LPP: variants seen among roughly 807,000 people sequenced by gnomAD.
The protein encoded by LPP is LIM domain containing preferred translocation partner in lipoma.
A neutral mutation model predicts 60.4 loss-of-function variants in LPP; 38 were observed. The ratio of observed to expected loss-of-function variants is 0.63; its 90% CI spans 0.49 to 0.83. LPP has a LOEUF of 0.83. LPP is among the 40% of genes least tolerant of loss of function. The probability of loss-of-function intolerance (pLI) is 0.00; values close to 1 mark genes in which losing one functional copy is unlikely to be tolerated. For synonymous variants in LPP, 328 were observed against 290.8 expected, an observed-to-expected ratio of 1.13 and a Z score of -1.30; for missense variants, 902 against 783.6, an observed-to-expected ratio of 1.15 and a Z score of -1.80.
At position 188,181,860 on chromosome 3, in the gene LPP, C is replaced by A. The variant is rs1725109827; in HGVS notation, c.-190+27608C>A. On this transcript the variant is annotated intron_variant, in intron 1 of 11. Coordinates refer to ENST00000617246, the MANE Select transcript of LPP (RefSeq NM_001375462.1). ...GCCTCAGCCTCCCAAGTAGTTGGGACTACAGGTGCACGCCACTGCACCTGG... is the reference window on the plus strand; with the variant it reads ...GCCTCAGCCTCCCAAGTAGTTGGGAATACAGGTGCACGCCACTGCACCTGG... Among the ~76,000 whole-genome samples the A allele has an allele frequency of 2.0e-5, 3 of 152,268 alleles. No individual in the cohort carries two copies. The South Asian group carries it at 6.2e-4, about 32-fold the overall frequency.
At chr3:188,171,241 C>G (rs1285103190) in intron 1 of LPP, among the ~76,000 whole-genome samples, 1 of 152,208 alleles carries the variant, frequency 6.6e-6, no homozygotes, top group Non-Finnish European at 1.5e-5. Flanking sequence ...TACTTTTGAG[C>G]CTGGCAGTAT....
At chr3:188,269,997 G>T (rs984796245) in intron 2 of LPP, among the ~76,000 whole-genome samples, 1 of 119,694 alleles carries the variant, frequency 8.4e-6, no homozygotes, top group Admixed American at 8.1e-5. Flanking sequence ...TTTTCTTATC[G>T]TTTCTTTTCT....
chr3:188,254,733 T>G (rs1304413830), intron 2 of LPP, among the ~76,000 whole-genome samples: 1 of 152,214 alleles, frequency 6.6e-6, no homozygotes, highest in South Asian at 2.1e-4. Flanking sequence ...ATTCCTTCAA[T>G]GCCTCTCCTC....
intron 2 of LPP, among the ~76,000 whole-genome samples, chr3:188,247,800 G>GA (rs796405602): frequency 4.7e-3 from 367 of 78,606 alleles, no homozygotes; most frequent in Middle Eastern, 0.028. Context: ...CTCCATCTCA[G>GA]AAAAAAAAAA....
intron 2 of LPP, among the ~76,000 whole-genome samples, chr3:188,282,291 T>C (rs1742381683): frequency 6.6e-6 from 1 of 152,218 alleles, no homozygotes. Flanking sequence ...ATTGTCAGGT[T>C]CCTGCTGATA....
chr3:188,216,315 A>C (rs1256046559), intron 1 of LPP, among the ~76,000 whole-genome samples: 1 of 135,352 alleles, frequency 7.4e-6, no homozygotes, highest in African/African-American at 2.8e-5. Flanking sequence ...TCTCTTGCCT[A>C]GACTGGAGTG....
chr3:188,236,939 C>T (rs1722135265), intron 2 of LPP, among the ~76,000 whole-genome samples: 1 of 152,168 alleles, frequency 6.6e-6, no homozygotes, highest in Non-Finnish European at 1.5e-5. Flanking sequence ...TGATATCAAG[C>T]TGTATCACTT....
chr3:188,171,160 A>G (rs968162262), intron 1 of LPP, among the ~76,000 whole-genome samples: 2 of 152,198 alleles, frequency 1.3e-5, no homozygotes, highest in African/African-American at 4.8e-5. Flanking sequence ...TTTTAACTAG[A>G]AAATGTTGAA....
chr3:188,754,041 C>G (rs192870447), intron 8 of LPP, among the ~76,000 whole-genome samples: 1 of 152,276 alleles, frequency 6.6e-6, no homozygotes, highest in East Asian at 1.9e-4. Context: ...GACAGAGTCC[C>G]AAGAAAATAG....
At chr3:188,164,272 C>CT (rs1719269549) in intron 1 of LPP, among the ~76,000 whole-genome samples, 1 of 152,124 alleles carries the variant, frequency 6.6e-6, no homozygotes, top group Admixed American at 6.5e-5. Flanking sequence ...GTTCTCTGTT[C>CT]ATGTGTGTAC....
At chr3:188,538,298 A>C (rs1298188566) in intron 6 of LPP, among the ~76,000 whole-genome samples, 1 of 152,212 alleles carries the variant, frequency 6.6e-6, no homozygotes, top group Non-Finnish European at 1.5e-5. Flanking sequence ...CAAATCATGT[A>C]TCTGTTAAGG....
rs75605270 is a variant in LPP at position 188,182,165 on chromosome 3, A to G, written c.-190+27913A>G. 0.012 allele frequency among the ~76,000 whole-genome samples: 1,764 copies of G among 152,284 alleles called. 32 individuals carry two copies. The highest frequency in any genetic ancestry group is 0.041 in the African/African-American group (1,695 of 41,566). ...TAGATGCTCAGCAAATCTGTGTGGA[A>G]CGATTGCCTTAGGCTGCAAGTTTAT... On this transcript the variant is annotated intron_variant, in intron 1 of 11. Coordinates refer to ENST00000617246, the MANE Select transcript of LPP (RefSeq NM_001375462.1). The surrounding 1 kb of genome is among the most constrained non-coding windows in gnomAD (Gnocchi z 4.4).
chr3:188,425,796 C>T (rs976033793), intron 4 of LPP, among the ~76,000 whole-genome samples: 1 of 151,928 alleles, frequency 6.6e-6, no homozygotes, highest in African/African-American at 2.4e-5. Flanking sequence ...TTGGTGATAT[C>T]CCCTTTATCA....
intron 2 of LPP, among the ~76,000 whole-genome samples, chr3:188,271,724 C>G (rs1281710040): frequency 6.6e-6 from 1 of 152,084 alleles, no homozygotes; most frequent in Non-Finnish European, 1.5e-5. Context: ...GGGTTCAAAC[C>G]AAAGTTGTCC....
At chr3:188,614,635 A>G (rs1844510740) in intron 7 of LPP, among the ~76,000 whole-genome samples, 1 of 152,150 alleles carries the variant, frequency 6.6e-6, no homozygotes, top group African/African-American at 2.4e-5. Context: ...CACTCACTTA[A>G]CGTCATATGT....
intron 3 of LPP, among the ~76,000 whole-genome samples, chr3:188,349,070 C>T (rs749050858): frequency 1.3e-5 from 2 of 152,166 alleles, no homozygotes; most frequent in Non-Finnish European, 2.9e-5. Flanking sequence ...CATTAAACCA[C>T]GATGTCTCAG....
intron 5 of LPP, among the ~76,000 whole-genome samples, chr3:188,506,848 A>G (rs899665528): frequency 6.6e-6 from 1 of 151,956 alleles, no homozygotes; most frequent in Non-Finnish European, 1.5e-5. Flanking sequence ...CCCAGGCTGG[A>G]GTGCAGTGGC....
chr3:188,363,086 T>A (rs759927975), intron 3 of LPP, among the ~76,000 whole-genome samples: 2 of 152,038 alleles, frequency 1.3e-5, no homozygotes, highest in Non-Finnish European at 2.9e-5. Context: ...GCTGTGTGAT[T>A]AGCAGGGCAT....
intron 6 of LPP, among the ~76,000 whole-genome samples, chr3:188,536,547 C>A (rs1217113077): frequency 6.6e-6 from 1 of 152,068 alleles, no homozygotes; most frequent in Non-Finnish European, 1.5e-5. Context: ...ATATATTTGC[C>A]TATAAACATC....
Sources: allele counts gnomAD v4.1 joint callset (sites outside exome capture counted in the v4.1 genomes callset), GRCh38; gene constraint gnomAD v4.1.1; non-coding constraint Gnocchi (gnomAD v3.1); transcripts MANE v1.5; gene names NCBI Gene and HGNC (gene_info 2026-07-23, HGNC 2026-07-21).